Variants in MTARC1 observed in about 807,000 individuals in gnomAD.
MTARC1 encodes the protein mitochondrial amidoxime-reducing component 1.
MTARC1 carries 24 observed loss-of-function variants against 33.6 expected under a neutral mutation model. The observed-to-expected ratio is 0.72, with a 90% CI of 0.52 to 1.01. MTARC1 has a LOEUF of 1.01. MTARC1 is among the 50% of genes least tolerant of loss of function. The pLI, the probability that MTARC1 is intolerant of heterozygous loss-of-function variation, is 0.00. For synonymous variants in MTARC1, 187 were observed against 189.5 expected, an observed-to-expected ratio of 0.99 and a Z score of 0.11; for missense variants, 417 against 445.7, an observed-to-expected ratio of 0.94 and a Z score of 0.58.
At chr1:220,790,390 T>C (rs1672384800) in intron 1 of MTARC1, among the ~76,000 whole-genome samples, 1 of 152,134 alleles carries the variant, frequency 6.6e-6, no homozygotes, top group Non-Finnish European at 1.5e-5. Context: ...GGATTTTGAA[T>C]GAGGGGGTCA....
At chr1:220,806,132 G>A (rs575211982) in intron 6 of MTARC1, among the ~76,000 whole-genome samples, 2 of 152,252 alleles carry the variant, frequency 1.3e-5, no homozygotes, top group African/African-American at 2.4e-5. Flanking sequence ...CATTACTTTC[G>A]TGAAAACAAC....
intron 6 of MTARC1, among the ~76,000 whole-genome samples, chr1:220,808,118 A>C (rs1673024866): frequency 6.6e-6 from 1 of 152,060 alleles, no homozygotes; most frequent in South Asian, 2.1e-4. Context: ...GGTGTGGGGC[A>C]TCCTTCCCTC....
At chr1:220,798,802 T>G (rs1019917386) in intron 4 of MTARC1, 2 of 959,392 alleles carry the variant, frequency 2.1e-6, no homozygotes, top group African/African-American at 3.5e-5. Context: ...ATATAGTGGT[T>G]CTTACGTCTG....
At chr1:220,812,950 TC>T (rs1398268664) in intron 6 of MTARC1, among the ~76,000 whole-genome samples, 6 of 152,122 alleles carry the variant, frequency 3.9e-5, no homozygotes, top group Non-Finnish European at 7.4e-5. Context: ...GGTCTTGATC[TC>T]CATCCTGGTT....
chr1:220,803,311 C>T (rs1672872591), intron 4 of MTARC1, among the ~76,000 whole-genome samples: 1 of 152,282 alleles, frequency 6.6e-6, no homozygotes, highest in South Asian at 2.1e-4. Flanking sequence ...CCCCATGATT[C>T]AATTACCTCC....
intron 4 of MTARC1, chr1:220,798,271 G>A: frequency 7.2e-7 from 1 of 1,386,376 alleles, no homozygotes; most frequent in Non-Finnish European, 9.4e-7. Flanking sequence ...ATTCTGAGTT[G>A]ACAGGTTCGT....
intron 1 of MTARC1, among the ~76,000 whole-genome samples, chr1:220,789,161 C>T (rs904283400): frequency 4.7e-5 from 7 of 150,176 alleles, no homozygotes; most frequent in Admixed American, 1.3e-4. Context: ...TGGCTGGGGC[C>T]GTCAGGGACA....
At chr1:220,810,149 T>G (rs1171568524) in intron 6 of MTARC1, among the ~76,000 whole-genome samples, 1 of 152,220 alleles carries the variant, frequency 6.6e-6, no homozygotes, top group Non-Finnish European at 1.5e-5. Context: ...CTAAGGAAGA[T>G]TTTAAATGAG....
chr1:220,801,759 C>G (rs2642446), intron 4 of MTARC1, among the ~76,000 whole-genome samples: 2 of 151,950 alleles, frequency 1.3e-5, no homozygotes, highest in Admixed American at 1.3e-4. Flanking sequence ...GAAGGATTAG[C>G]GCAGGCGGGG....
Position 220,804,944 on chromosome 1 carries a change from A to C in MTARC1, c.754-108A>C, listed in dbSNP as rs1672925612. ...TGGGGGAGAACAGAAGGCTGCCATCACTGATGTGGGTGACATCGTTAGGTG... is the reference window on the plus strand; with the variant it reads ...TGGGGGAGAACAGAAGGCTGCCATCCCTGATGTGGGTGACATCGTTAGGTG... On this transcript the variant is annotated intron_variant, in intron 4 of 6. Coordinates refer to ENST00000366910, the MANE Select transcript of MTARC1 (RefSeq NM_022746.4). 5.1e-6 allele frequency: 6 copies of C among 1,180,752 alleles called. No homozygotes were observed. The Middle Eastern group carries it at 6.7e-4, about 131-fold the overall frequency. The allele number at this position is 1,180,752 out of a possible 1,614,324, so 73.1% of individuals were successfully genotyped here. A position where few individuals can be genotyped will look rare whatever the true frequency, so the allele number is the denominator to read the frequency against.
intron 6 of MTARC1, among the ~76,000 whole-genome samples, chr1:220,808,144 T>C (rs933528676): frequency 6.6e-6 from 1 of 152,224 alleles, no homozygotes; most frequent in Non-Finnish European, 1.5e-5. Flanking sequence ...TTAGAAGGTT[T>C]ATGCTCTTGC....
intron 1 of MTARC1, among the ~76,000 whole-genome samples, chr1:220,787,758 G>A (rs528408251): frequency 6.6e-6 from 1 of 152,264 alleles, no homozygotes; most frequent in South Asian, 2.1e-4. Flanking sequence ...GGGAGGCCGA[G>A]GCGGGTGCAT....
At chr1:220,813,158 T>C in intron 6 of MTARC1, 134 bp from the exon 7 acceptor site, 2 of 1,209,994 alleles carry the variant, frequency 1.7e-6, no homozygotes, top group Non-Finnish European at 2.4e-6. Context: ...GGAGGCGCTG[T>C]TCTGTTGAGC....
intron 2 of MTARC1, chr1:220,794,124 C>G (rs1439810874): frequency 3.3e-5 from 5 of 152,148 alleles, no homozygotes; most frequent in African/African-American, 1.2e-4. Context: ...GTCAAAGCAG[C>G]CTTCCTGTCT....
rs72472324 is a variant in MTARC1 at position 220,802,481 on chromosome 1, G to A, written c.754-2571G>A. Among the ~76,000 whole-genome samples, 433 of 152,294 alleles carry A rather than the reference G, an allele frequency of 2.8e-3. 1 individual carries two copies. Among genetic ancestry groups the A allele is most frequent in the African/African-American group, 0.01 (425 of 41,572 alleles). ...TGAGTAGCTGGGATTACAGGCAGAC[G>A]CCACCATGCCTGGCTAGTTTTTGTA... On this transcript the variant is annotated intron_variant, in intron 4 of 6. Coordinates refer to ENST00000366910, the MANE Select transcript of MTARC1 (RefSeq NM_022746.4).
At chr1:220,808,520 TG>T (rs1673037930) in intron 6 of MTARC1, among the ~76,000 whole-genome samples, 1 of 152,156 alleles carries the variant, frequency 6.6e-6, no homozygotes, top group Non-Finnish European at 1.5e-5. Flanking sequence ...CCATAAATCA[TG>T]GGAAGGGAAG....
intron 6 of MTARC1, among the ~76,000 whole-genome samples, chr1:220,805,944 C>G (rs1672956602): frequency 6.6e-6 from 1 of 151,988 alleles, no homozygotes; most frequent in South Asian, 2.1e-4. Flanking sequence ...TAAAATAGCA[C>G]TATTTACTTT....
rs1161189539 is a variant in MTARC1 at position 220,787,111 on chromosome 1, G to A, written c.167G>A (p.Gly56Asp). 5 of 1,539,632 alleles carry A rather than the reference G, an allele frequency of 3.2e-6. No homozygotes were observed. Among genetic ancestry groups the A allele is most frequent in the East Asian group, 2.6e-5 (1 of 38,242 alleles). The change falls in exon 1 of 7, where the codon GGC (glycine) becomes GAC (aspartate). Residue 56 changes from glycine (G) to aspartate (D), a missense_variant. Physicochemically the swap from Gly to Asp is moderately conservative, Grantham distance 94. Coordinates refer to ENST00000366910, the MANE Select transcript of MTARC1 (RefSeq NM_022746.4). The part of the protein sequence containing the change: ...TRRRRLLQQV[G>D]TVAQLWIYPV... ...CGCCGGCGGCTGCTGCAGCAGGTGG[G>A]CACAGTGGCGCAGCTCTGGATCTAC...
At chr1:220,810,973 A>C (rs766881745) in intron 6 of MTARC1, among the ~76,000 whole-genome samples, 1 of 152,196 alleles carries the variant, frequency 6.6e-6, no homozygotes, top group Non-Finnish European at 1.5e-5. Flanking sequence ...TGTAAGGATT[A>C]AAAAAGAGAA....
Sources: allele counts gnomAD v4.1 joint callset (sites outside exome capture counted in the v4.1 genomes callset), GRCh38; gene constraint gnomAD v4.1.1; transcripts MANE v1.5; gene names NCBI Gene and HGNC (gene_info 2026-07-23, HGNC 2026-07-21).